Variants in TAF5L observed in about 807,000 individuals in gnomAD.
The protein encoded by TAF5L is TAF5-like RNA polymerase II p300/CBP-associated factor-associated factor 65 kDa subunit 5L.
A neutral mutation model predicts 51.3 loss-of-function variants in TAF5L; 7 were observed. The ratio of observed to expected loss-of-function variants is 0.14; its 90% CI spans 0.08 to 0.26. The LOEUF (loss-of-function observed/expected upper bound fraction) is 0.26, where lower values mean the gene tolerates loss of function less well. TAF5L is among the 10% of genes least tolerant of loss of function. TAF5L has a pLI of 1.00. For missense variants in TAF5L, 575 were observed against 758.9 expected (o/e 0.76, Z 2.85); for synonymous variants, 291 against 308.1 (o/e 0.94, Z 0.58).
At chr1:229,610,763 C>T (rs1664758313) in intron 2 of TAF5L, among the ~76,000 whole-genome samples, 1 of 152,126 alleles carries the variant, frequency 6.6e-6, no homozygotes, top group African/African-American at 2.4e-5. Flanking sequence ...TTCTGAAAGC[C>T]TTCCTCACCC....
At chr1:229,621,570 G>A (rs993561909) in intron 1 of TAF5L, among the ~76,000 whole-genome samples, 2 of 152,132 alleles carry the variant, frequency 1.3e-5, no homozygotes, top group Non-Finnish European at 2.9e-5. Context: ...CTTCAGTGGA[G>A]AAACAGCAGC....
In TAF5L at chr1:229,609,001, C is replaced by CA. The variant is rs562287056; in HGVS notation, c.247+1104dup. 1.4e-4 allele frequency among the ~76,000 whole-genome samples: 22 copies of CA among 151,798 alleles called. 1 individual carries two copies. The highest frequency in any genetic ancestry group is 4.8e-4 in the African/African-American group (20 of 41,436). On this transcript the variant is annotated intron_variant, in intron 3 of 4. Coordinates refer to ENST00000258281, the Ensembl canonical transcript of TAF5L. ...CCTGGGCAACAGAACAATACCGTCT[C>CA]AAAAAAAAGAAAAAGAAGCAAATTA...
At chr1:229,605,729 T>C (rs372337005) in intron 3 of TAF5L, among the ~76,000 whole-genome samples, 3 of 152,244 alleles carry the variant, frequency 2.0e-5, no homozygotes, top group Admixed American at 6.5e-5. Flanking sequence ...TAGGCTTTAA[T>C]AGAAAAAGAC....
intron 3 of TAF5L, among the ~76,000 whole-genome samples, chr1:229,605,781 T>C (rs1664572638): frequency 6.6e-6 from 1 of 152,178 alleles, no homozygotes; most frequent in Non-Finnish European, 1.5e-5. Context: ...GCAGAGAGCC[T>C]TTGGATTTGA....
chr1:229,597,092 T>G (rs1558143589), intron 4 of TAF5L, among the ~76,000 whole-genome samples: 1 of 152,198 alleles, frequency 6.6e-6, no homozygotes, highest in Non-Finnish European at 1.5e-5. Flanking sequence ...CCAAAGAAGT[T>G]ACAACAACAC....
Position 229,595,870 on chromosome 1 carries a change from G to A in TAF5L, c.973-776C>T, listed in dbSNP as rs535584161. Among the ~76,000 whole-genome samples the A allele has an allele frequency of 4.6e-5, 7 of 152,256 alleles. 1 individual carries two copies. The highest frequency in any genetic ancestry group is 7.2e-5 in the African/African-American group (3 of 41,552). ...AGTAGAGATGGGGTTTCTCCATGTC[G>A]GTCAGGCTGGTCTTGAACTCCCGAC... is the stretch of plus-strand genomic sequence containing the variant. On this transcript the variant is annotated intron_variant, in intron 4 of 4. Coordinates refer to ENST00000258281, the Ensembl canonical transcript of TAF5L.
chr1:229,601,870 A>T (rs985033734), intron 4 of TAF5L: 1 of 1,102,354 alleles, frequency 9.1e-7, no homozygotes, highest in African/African-American at 1.6e-5. Context: ...GTGCACACAC[A>T]TAAGTGTATA....
intron 1 of TAF5L, among the ~76,000 whole-genome samples, chr1:229,615,040 T>C (rs1329754573): frequency 6.6e-6 from 1 of 152,260 alleles, no homozygotes; most frequent in Non-Finnish European, 1.5e-5. Flanking sequence ...CTGCCAGCTC[T>C]AAGTTAGGGA....
In TAF5L at chr1:229,602,882, G is replaced by C. The variant is rs1664439360; in HGVS notation, c.285C>G (p.Leu95=). 1 of 1,605,808 alleles carries C rather than the reference G, an allele frequency of 6.2e-7. No individual in the cohort carries two copies. The highest frequency in any genetic ancestry group is 1.1e-5 in the South Asian group (1 of 90,954). ...GGAGGTAGACAAAGAGAGGATAGAGGAGAGGCATCACTTCGTGGCTATGCT... is the reference window on the plus strand; with the variant it reads ...GGAGGTAGACAAAGAGAGGATAGAGCAGAGGCATCACTTCGTGGCTATGCT... Residue 95 remains leucine, a synonymous_variant, in exon 4 of 5, where the codon CTC becomes CTG. Coordinates refer to ENST00000258281, the Ensembl canonical transcript of TAF5L. The surrounding 1 kb of genome is among the most constrained non-coding windows in gnomAD (Gnocchi z 4.6).
chr1:229,616,385 T>A (rs1290788992), intron 1 of TAF5L, among the ~76,000 whole-genome samples: 1 of 151,828 alleles, frequency 6.6e-6, no homozygotes, highest in African/African-American at 2.4e-5. Flanking sequence ...TTTTTTTTTT[T>A]AGTAGAGAAG....
chr1:229,593,286 C>T (rs1234558292), exon 5 of TAF5L: 1 of 152,170 alleles, frequency 6.6e-6, no homozygotes, highest in Non-Finnish European at 1.5e-5. Context: ...GTTCATTAGA[C>T]TGGTATTGCA....
chr1:229,614,417 G>A (rs375454816), exon 2 of TAF5L: 28 of 1,614,066 alleles, frequency 1.7e-5, no homozygotes, highest in Middle Eastern at 1.6e-4. Flanking sequence ...CTGAGTCCAC[G>A]TACTGCCGGC....
At chr1:229,610,592 C>A (rs2102756836) in intron 2 of TAF5L, among the ~76,000 whole-genome samples, 1 of 152,324 alleles carries the variant, frequency 6.6e-6, no homozygotes, top group East Asian at 1.9e-4. Context: ...TGGGCCCTTT[C>A]AATCTGGAAA....
intron 2 of TAF5L, among the ~76,000 whole-genome samples, chr1:229,613,709 C>T (rs1171330392): frequency 1.3e-5 from 2 of 152,118 alleles, no homozygotes; most frequent in African/African-American, 4.8e-5. Context: ...CTTGAGTATC[C>T]GTGGATTTTG....
exon 5 of TAF5L, chr1:229,593,736 T>G (rs1255053703): frequency 1.3e-5 from 2 of 151,668 alleles, no homozygotes; most frequent in African/African-American, 4.8e-5. Context: ...GGTTTCCTCA[T>G]GTCAATAATA....
chr1:229,604,810 G>C (rs1431153068), intron 3 of TAF5L, among the ~76,000 whole-genome samples: 1 of 152,094 alleles, frequency 6.6e-6, no homozygotes, highest in Non-Finnish European at 1.5e-5. Flanking sequence ...ACAGAAACGA[G>C]GACTGTAATT....
At chr1:229,608,645 A>G (rs1482897374) in intron 3 of TAF5L, among the ~76,000 whole-genome samples, 2 of 151,626 alleles carry the variant, frequency 1.3e-5, no homozygotes, top group Admixed American at 1.3e-4. Flanking sequence ...AAAAAATATG[A>G]TATTAATCTC....
chr1:229,601,275 T>G (rs1664363506), intron 4 of TAF5L: 1 of 985,270 alleles, frequency 1.0e-6, no homozygotes, highest in African/African-American at 1.7e-5. Context: ...TAACTGTAAT[T>G]TAATTAGAGT....
intron 3 of TAF5L, chr1:229,607,912 C>G (rs930704702): frequency 2.6e-5 from 4 of 152,148 alleles, no homozygotes; most frequent in Middle Eastern, 3.4e-3. Flanking sequence ...AAATAATGAT[C>G]CTTTAAACCA....
Sources: gnomAD v4.1 joint callset for allele counts (sites outside exome capture counted in the v4.1 genomes callset) on GRCh38, gnomAD v4.1.1 for gene constraint, Gnocchi (gnomAD v3.1) non-coding constraint, MANE v1.5 for transcripts, NCBI Gene and HGNC (gene_info 2026-07-23, HGNC 2026-07-21) for gene names.